Variants in DDB1 observed in about 807,000 individuals in gnomAD.
The protein encoded by DDB1 is DNA damage-binding protein 1.
In DDB1, 18 loss-of-function variants were observed where a neutral mutation model predicts 133.1. That is an observed-to-expected ratio of 0.14 (90% CI 0.09 to 0.20). The LOEUF is 0.20. Among genes scored for constraint, DDB1 ranks in the 10% least tolerant of loss-of-function variants. DDB1 has a pLI of 1.00. For synonymous variants in DDB1, 580 were observed against 550.5 expected, an observed-to-expected ratio of 1.05 and a Z score of -0.75; for missense variants, 828 against 1,459.2, an observed-to-expected ratio of 0.57 and a Z score of 7.05.
At chr11:61,331,802 A>G (rs1197581162) in intron 1 of DDB1, 111 bp from the exon 2 acceptor site, 1 of 1,446,418 alleles carries the variant, frequency 6.9e-7, no homozygotes, top group Non-Finnish European at 9.5e-7. Context: ...TTTACTTCAC[A>G]TACTTCTCCA....
intron 22 of DDB1, 94 bp from the exon 23 acceptor site, chr11:61,303,249 C>CA: frequency 9.1e-7 from 1 of 1,096,626 alleles, no homozygotes; most frequent in Non-Finnish European, 1.4e-6. Context: ...AGGAGCAAGG[C>CA]CCCACCCTGC....
chr11:61,313,988 T>C lies in DDB1; in HGVS notation c.1754-19A>G, dbSNP rs28720305. 2,055 of 1,614,040 alleles carry C rather than the reference T, an allele frequency of 1.3e-3. 30 individuals are homozygous for C. The African/African-American group carries it at 0.025, about 20-fold the overall frequency. The stretch of plus-strand genomic sequence containing the variant: ...ATGATCTCTGTGAGAAAGGGGGACA[T>C]TATGTTCTTGTTCCACATTTTGACT... On this transcript the variant is annotated intron_variant, in intron 14 of 26. Coordinates refer to ENST00000301764, the MANE Select transcript of DDB1 (RefSeq NM_001923.5).
chr11:61,332,284 G>A (rs920812040), intron 1 of DDB1: 1 of 153,270 alleles, frequency 6.5e-6, no homozygotes, highest in Non-Finnish European at 1.5e-5. Flanking sequence ...TGCATATTCA[G>A]CTGAGAATGT....
At chr11:61,331,807 TCTCCAACTCC>T in intron 1 of DDB1, 116 bp from the exon 2 acceptor site, 1 of 1,408,320 alleles carries the variant, frequency 7.1e-7, no homozygotes, top group South Asian at 1.3e-5. Flanking sequence ...TTCACATACT[TCTCCAACTCC>T]CTCCAGCTAC....
chr11:61,327,173 A>C (rs753553424), intron 4 of DDB1, among the ~76,000 whole-genome samples: 1 of 152,246 alleles, frequency 6.6e-6, no homozygotes. Context: ...ACTAGGTACT[A>C]TAAGAGATAC....
chr11:61,307,076 C>G (rs1359782801), intron 21 of DDB1, among the ~76,000 whole-genome samples: 4 of 152,226 alleles, frequency 2.6e-5, no homozygotes, highest in Non-Finnish European at 5.9e-5. Flanking sequence ...TTCTCTGTCA[C>G]TCGGTTTGAG....
intron 22 of DDB1, among the ~76,000 whole-genome samples, chr11:61,303,629 G>C (rs1175318703): frequency 6.7e-6 from 1 of 150,356 alleles, no homozygotes; most frequent in African/African-American, 2.5e-5. Context: ...GCGTGAACCT[G>C]GGAGGCAGAG....
In DDB1 at chr11:61,302,643, C is replaced by A; in HGVS notation, c.3051G>T (p.Leu1017=). 1 of 1,614,222 alleles carries A rather than the reference C, an allele frequency of 6.2e-7. No individual in the cohort carries two copies. The highest frequency in any genetic ancestry group is 8.5e-7 in the Non-Finnish European group (1 of 1,180,030). ...FCHGSLVMQN[L]GETSTPTQGS... ...CTTGTGTGGGGGTGGAAGTCTCACC[C>A]AGATTCTGCATTACCAGAGAGCCGT... Residue 1017 remains leucine, a synonymous_variant, in exon 24 of 27, where the codon CTG becomes CTT. Coordinates refer to ENST00000301764, the MANE Select transcript of DDB1 (RefSeq NM_001923.5).
chr11:61,301,361 A>G (rs1227051180), intron 25 of DDB1: 1 of 154,384 alleles, frequency 6.5e-6, no homozygotes, highest in East Asian at 1.9e-4. Flanking sequence ...CCGAAGTTCA[A>G]GACCAAACCG....
chr11:61,300,807 A>G lies in DDB1; in HGVS notation c.3339+2T>C. 6.2e-7 allele frequency: 1 copy of G among 1,614,050 alleles called. No homozygotes were observed. The highest frequency in any genetic ancestry group is 8.5e-7 in the Non-Finnish European group (1 of 1,179,954). On this transcript the variant is annotated splice_donor_variant, in intron 26 of 26. Coordinates refer to ENST00000301764, the MANE Select transcript of DDB1 (RefSeq NM_001923.5). LOFTEE classifies it high-confidence loss of function. ...CCCAGGGTTAAACACCACACAGCTC[A>G]CCTGTAGGTTTGCCACCACCTCCTG...
intron 25 of DDB1, chr11:61,301,134 G>T: frequency 1.5e-6 from 1 of 666,624 alleles, no homozygotes; most frequent in South Asian, 2.0e-5. Context: ...TCTCAATTGG[G>T]GTGATCTTCA....
At position 61,326,900 on chromosome 11, in the gene DDB1, G is replaced by T; in HGVS notation, c.550-7C>A. ...CGTGCCGCCCCTGAGGGTCCTGGGG[G>T]GGAAAGGTAAAATGGTTAGCCCTTA... On this transcript the variant is annotated splice_polypyrimidine_tract_variant and splice_region_variant and intron_variant, in intron 4 of 26. Transcript: ENST00000301764. 1 of 1,607,598 alleles carries T rather than the reference G, an allele frequency of 6.2e-7. No individual in the cohort carries two copies. Among genetic ancestry groups the T allele is most frequent in the East Asian group, 2.2e-5 (1 of 44,846 alleles).
At chr11:61,332,127 T>G in intron 1 of DDB1, 1 of 167,842 alleles carries the variant, frequency 6.0e-6, no homozygotes, top group South Asian at 1.4e-4. Flanking sequence ...CCCAGAGCTT[T>G]ATATGAAAAC....
At chr11:61,322,844 G>A (rs960140363) in intron 8 of DDB1, 167 bp downstream of exon 8, 23 of 633,152 alleles carry the variant, frequency 3.6e-5, no homozygotes, top group African/African-American at 7.4e-5. Flanking sequence ...GAACCACAAA[G>A]GCAAAGAGCT....
intron 10 of DDB1, chr11:61,321,362 C>T (rs1302859715): frequency 9.7e-6 from 4 of 411,616 alleles, no homozygotes; most frequent in African/African-American, 4.1e-5. Context: ...TCTTTTAATC[C>T]CCTAGTCCTC....
At position 61,313,984 on chromosome 11, in the gene DDB1, G is replaced by A. The variant is rs368040054; in HGVS notation, c.1754-15C>T. On this transcript the variant is annotated splice_polypyrimidine_tract_variant and intron_variant, in intron 14 of 26. Coordinates refer to ENST00000301764, the MANE Select transcript of DDB1 (RefSeq NM_001923.5). Reference sequence around the variant, plus strand: ...AGGAATGATCTCTGTGAGAAAGGGGGACATTATGTTCTTGTTCCACATTTT... The same window carrying A: ...AGGAATGATCTCTGTGAGAAAGGGGAACATTATGTTCTTGTTCCACATTTT... 1.2e-6 allele frequency: 2 copies of A among 1,614,098 alleles called. No individual in the cohort carries two copies. The highest frequency in any genetic ancestry group is 1.3e-5 in the African/African-American group (1 of 75,006).
At chr11:61,323,391 A>G in intron 7 of DDB1, 4 of 363,438 alleles carry the variant, frequency 1.1e-5, no homozygotes, top group Non-Finnish European at 2.0e-5. Context: ...TCCTCCCAGA[A>G]CTGAAATCAG....
chr11:61,329,699 A>C, intron 3 of DDB1, 115 bp from the exon 4 acceptor site: 1 of 969,024 alleles, frequency 1.0e-6, no homozygotes, highest in South Asian at 1.6e-5. Context: ...TAATGGATCT[A>C]TTTGATAGGC....
intron 21 of DDB1, among the ~76,000 whole-genome samples, chr11:61,308,445 C>G (rs559552736): frequency 6.6e-6 from 1 of 152,204 alleles, no homozygotes; most frequent in Non-Finnish European, 1.5e-5. Context: ...CACCATTTCA[C>G]GTACTATGTA....
Sources: gnomAD v4.1 joint callset for allele counts (sites outside exome capture counted in the v4.1 genomes callset) on GRCh38, gnomAD v4.1.1 for gene constraint, MANE v1.5 for transcripts, NCBI Gene and HGNC (gene_info 2026-07-23, HGNC 2026-07-21) for gene names.